The following MAST4 variants were observed in gnomAD, a reference collection of about 807,000 sequenced individuals.
The protein encoded by MAST4 is microtubule-associated serine/threonine-protein kinase 4.
A neutral mutation model predicts 162.7 loss-of-function variants in MAST4; 89 were observed. That is an observed-to-expected ratio of 0.55 (90% confidence interval 0.46 to 0.65). The LOEUF (loss-of-function observed/expected upper bound fraction) is 0.65. Among genes scored for constraint, MAST4 ranks in the 30% least tolerant of loss-of-function variants. MAST4 has a pLI of 0.00. For missense variants in MAST4, 3,153 were observed against 3,374.0 expected, an observed-to-expected ratio of 0.93 and a Z score of 1.62; for synonymous variants, 1,479 against 1,361.1, an observed-to-expected ratio of 1.09 and a Z score of -1.91.
intron 2 of MAST4, among the ~76,000 whole-genome samples, chr5:66,764,662 A>G (rs1333173981): frequency 6.6e-6 from 1 of 152,178 alleles, no homozygotes; most frequent in Non-Finnish European, 1.5e-5. Flanking sequence ...TAGAAAAAAA[A>G]GCTTATAGAA....
chr5:66,868,600 A>G (rs1164042085), intron 3 of MAST4, among the ~76,000 whole-genome samples: 1 of 151,680 alleles, frequency 6.6e-6, no homozygotes, highest in African/African-American at 2.4e-5. Context: ...AGCTGTTTAC[A>G]GTTCCTTTAT....
chr5:66,646,936 A>G (rs1213563693), intron 1 of MAST4, among the ~76,000 whole-genome samples: 1 of 152,168 alleles, frequency 6.6e-6, no homozygotes, highest in Non-Finnish European at 1.5e-5. Flanking sequence ...ACTTAAAATA[A>G]CCTTTAAATA....
intron 1 of MAST4, among the ~76,000 whole-genome samples, chr5:66,673,740 G>A (rs945442256): frequency 7.2e-5 from 11 of 152,058 alleles, no homozygotes; most frequent in Middle Eastern, 6.8e-3. Flanking sequence ...TGCCTGCCTC[G>A]GCCTCCCAGA....
chr5:66,855,019 G>T (rs1261700492), intron 3 of MAST4, among the ~76,000 whole-genome samples: 2 of 152,172 alleles, frequency 1.3e-5, no homozygotes. Flanking sequence ...TTTTGTGTCT[G>T]TGTTCACATG....
chr5:67,165,476 T>G lies in MAST4; in HGVS notation c.6297T>G (p.Ser2099Arg). 1 of 1,613,676 alleles carries G rather than the reference T, an allele frequency of 6.2e-7. No individual in the cohort carries two copies. ...CTCTGCAGCCACCTGGAATTGAGAGTGAGAAGAGTGAAAAGCTCTCCAGTT... is the reference window on the plus strand; with the variant it reads ...CTCTGCAGCCACCTGGAATTGAGAGGGAGAAGAGTGAAAAGCTCTCCAGTT... ...RRSLQPPGIE[S>R]EKSEKLSSFP... The change falls in exon 29 of 29, where the codon AGT becomes AGG. Residue 2099 changes from serine (S) to arginine (R), a missense_variant. Coordinates refer to ENST00000403625, the MANE Select transcript of MAST4 (RefSeq NM_001164664.2).
intron 1 of MAST4, among the ~76,000 whole-genome samples, chr5:66,704,489 G>GTTTTT (rs1749984358): frequency 6.9e-5 from 7 of 100,896 alleles, no homozygotes; most frequent in Admixed American, 2.0e-4. Context: ...GTTGCTTGTT[G>GTTTTT]TTCTTTTTTT....
At chr5:66,916,321 G>A (rs914828334) in intron 4 of MAST4, among the ~76,000 whole-genome samples, 1 of 152,130 alleles carries the variant, frequency 6.6e-6, no homozygotes, top group Admixed American at 6.5e-5. Context: ...GATACACAGG[G>A]GGGAAAGAGA....
intron 5 of MAST4, among the ~76,000 whole-genome samples, chr5:67,082,147 C>CTTTT (rs60811351): frequency 6.4e-5 from 8 of 125,794 alleles, no homozygotes; most frequent in Non-Finnish European, 9.8e-5. Flanking sequence ...TACCTGTAAT[C>CTTTT]TTTTTTTTTT....
At chr5:67,019,565 G>T (rs114144567) in intron 4 of MAST4, among the ~76,000 whole-genome samples, 3,180 of 152,240 alleles carry the variant, frequency 0.021, 49 homozygotes, top group African/African-American at 0.039. Context: ...CTCCATAGGG[G>T]AACAATGAAT....
chr5:66,644,866 C>T (rs1448940037), intron 1 of MAST4, among the ~76,000 whole-genome samples: 3 of 151,320 alleles, frequency 2.0e-5, no homozygotes, highest in Admixed American at 6.6e-5. Flanking sequence ...TGGGTATGGC[C>T]CACTCTTTTA....
rs536892272 is a variant in MAST4, at chr5:67,169,193, A to T, written c.*2142A>T. ...AACTGTCCAATTTCCTTTAAAGCAC[A>T]ACTAGCTATTTGTTTACAAATGATA... On this transcript the variant is annotated 3_prime_UTR_variant, in exon 29 of 29. Transcript: ENST00000403625. The T allele has an allele frequency of 6.6e-6, 1 of 152,366 alleles. No homozygotes were observed. Among genetic ancestry groups the T allele is most frequent in the African/African-American group, 2.4e-5 (1 of 41,586 alleles). The allele number at this position is 152,366 out of a possible 1,614,324, so 9.4% of individuals were successfully genotyped here.
At position 66,788,655 on chromosome 5, in the gene MAST4, C is replaced by T. The variant is rs1291423587; in HGVS notation, c.518-15C>T. 7.2e-7 allele frequency: 1 copy of T among 1,380,828 alleles called. No homozygotes were observed. The highest frequency in any genetic ancestry group is 2.0e-5 in the Admixed American group (1 of 50,592). The allele number at this position is 1,380,828 out of a possible 1,614,324, so 85.5% of individuals were successfully genotyped here. A position where few individuals can be genotyped will look rare whatever the true frequency, so the allele number is the denominator to read the frequency against. ...CTGCCTGTCACTTACATTTTCTTCT[C>T]TTTAACTCCAACAGGGAGGTACCTT... On this transcript the variant is annotated splice_polypyrimidine_tract_variant and intron_variant, in intron 2 of 28. Transcript: ENST00000403625.
chr5:66,865,037 A>AG (rs2149850876), intron 3 of MAST4, among the ~76,000 whole-genome samples: 1 of 152,284 alleles, frequency 6.6e-6, no homozygotes, highest in Non-Finnish European at 1.5e-5. Flanking sequence ...AGAACAGGAG[A>AG]GAAAAACTGA....
At chr5:66,877,138 G>A (rs987571789) in intron 3 of MAST4, among the ~76,000 whole-genome samples, 3 of 152,116 alleles carry the variant, frequency 2.0e-5, no homozygotes, top group African/African-American at 7.2e-5. Context: ...TTGAGGAGGA[G>A]GAGTCAGCCT....
chr5:66,736,367 G>C (rs1173561336), intron 1 of MAST4, among the ~76,000 whole-genome samples: 1 of 137,554 alleles, frequency 7.3e-6, no homozygotes, highest in East Asian at 2.2e-4. Context: ...CCTTATATGT[G>C]CCTCTTAGCC....
chr5:66,969,355 A>T (rs1747143294), intron 4 of MAST4, among the ~76,000 whole-genome samples: 1 of 152,176 alleles, frequency 6.6e-6, no homozygotes, highest in Non-Finnish European at 1.5e-5. Context: ...CACCACATGT[A>T]AGCTTTGTGA....
intron 3 of MAST4, among the ~76,000 whole-genome samples, chr5:66,842,251 T>G (rs1269641627): frequency 6.6e-6 from 1 of 152,172 alleles, no homozygotes; most frequent in African/African-American, 2.4e-5. Flanking sequence ...GCATGGTGAA[T>G]AGGGTAGGGT....
chr5:66,958,619 C>T (rs1745607719), intron 4 of MAST4, among the ~76,000 whole-genome samples: 1 of 152,172 alleles, frequency 6.6e-6, no homozygotes, highest in African/African-American at 2.4e-5. Context: ...CTGACTTCCC[C>T]CAAATTAATG....
chr5:67,037,926 G>A (rs1756224037), intron 4 of MAST4, among the ~76,000 whole-genome samples: 1 of 150,924 alleles, frequency 6.6e-6, no homozygotes, highest in Admixed American at 6.6e-5. Context: ...TTCTTCTGGT[G>A]TTTGCCTGAT....
Sources: gnomAD v4.1 joint callset for allele counts (sites outside exome capture counted in the v4.1 genomes callset) on GRCh38, gnomAD v4.1.1 for gene constraint, MANE v1.5 for transcripts, NCBI Gene and HGNC (gene_info 2026-07-23, HGNC 2026-07-21) for gene names.